KCTD3: variants seen among roughly 807,000 people sequenced by gnomAD.
KCTD3 encodes the protein potassium channel tetramerization domain containing 3, also known as BTB/POZ domain-containing protein KCTD3.
Under a neutral mutation model 85.8 loss-of-function variants are expected in KCTD3, and 41 were observed. The ratio of observed to expected loss-of-function variants is 0.48; its 90% CI spans 0.37 to 0.62. The LOEUF (loss-of-function observed/expected upper bound fraction) is 0.62, where lower values mean the gene tolerates loss of function less well. KCTD3 is among the 20% of genes least tolerant of loss of function. KCTD3 has a pLI of 0.00. For synonymous variants in KCTD3, 338 were observed against 345.4 expected, an observed-to-expected ratio of 0.98 and a Z score of 0.24; for missense variants, 724 against 989.9, an observed-to-expected ratio of 0.73 and a Z score of 3.60.
chr1:215,592,461 TAAGAA>T (rs928827111), intron 9 of KCTD3, among the ~76,000 whole-genome samples: 3 of 152,212 alleles, frequency 2.0e-5, no homozygotes, highest in African/African-American at 4.8e-5. Flanking sequence ...CAAACAACTT[TAAGAA>T]AAGAAAATTT....
In KCTD3 at chr1:215,601,863, T is replaced by C; in HGVS notation, c.934-4T>C. On this transcript the variant is annotated splice_region_variant and splice_polypyrimidine_tract_variant and intron_variant, in intron 10 of 17. Coordinates refer to ENST00000259154, the MANE Select transcript of KCTD3 (RefSeq NM_016121.5). ...AACATCTGATAATACTCTCACTACA[T>C]CAGGTTCAAGATGTTGTTCCTATAA... 1 of 1,503,874 alleles carries C rather than the reference T, an allele frequency of 6.6e-7. No homozygotes were observed. Among genetic ancestry groups the C allele is most frequent in the Non-Finnish European group, 9.2e-7 (1 of 1,085,992 alleles). 93.2% of individuals were successfully genotyped at this position (1,503,874 alleles called of 1,614,324 possible). A position where few individuals can be genotyped will look rare whatever the true frequency, so the allele number is the denominator to read the frequency against.
At chr1:215,594,603 A>G (rs1444011128) in intron 9 of KCTD3, among the ~76,000 whole-genome samples, 1 of 152,190 alleles carries the variant, frequency 6.6e-6, no homozygotes, top group East Asian at 1.9e-4. Context: ...AGATACTATT[A>G]TACCCTGTGC....
At chr1:215,586,858 A>G (rs538045886) in intron 9 of KCTD3, among the ~76,000 whole-genome samples, 173 bp downstream of exon 9, 1 of 152,316 alleles carries the variant, frequency 6.6e-6, no homozygotes, top group Admixed American at 6.5e-5. Context: ...TGTTTTAGAA[A>G]AGACATGGGG....
intron 8 of KCTD3, among the ~76,000 whole-genome samples, chr1:215,582,551 TTTTTG>T (rs1019627564): frequency 4.6e-5 from 7 of 152,104 alleles, no homozygotes; most frequent in African/African-American, 1.2e-4. Context: ...TATTATATAT[TTTTTG>T]TTTTGTTTTG....
At position 215,615,040 on chromosome 1, in the gene KCTD3, TCTGTTATTTCTAA is replaced by T. The variant is rs138479455; in HGVS notation, c.1562+3121_1562+3133del. Reference sequence around the variant, plus strand: ...TTCTGTTATTTCTGATATCCCCCTTTCTGTTATTTCTAACAGTAACACTGTGCAATTTCTGCAT... The same window carrying T: ...TTCTGTTATTTCTGATATCCCCCTTTCAGTAACACTGTGCAATTTCTGCAT... On this transcript the variant is annotated intron_variant, in intron 15 of 17. Coordinates refer to ENST00000259154, the MANE Select transcript of KCTD3 (RefSeq NM_016121.5). Among the ~76,000 whole-genome samples the T allele has an allele frequency of 1.8e-3, 272 of 152,332 alleles. 1 individual carries two copies. The highest frequency in any genetic ancestry group is 6.3e-3 in the African/African-American group (260 of 41,582).
rs946193380 is a variant in KCTD3, at chr1:215,608,191, G to C, written c.1465+19G>C. ...GACATAGGTGGGTTAGGTTATTTTA[G>C]GGCATTTTTAGGTACTATATTAACT... On this transcript the variant is annotated intron_variant, in intron 14 of 17. Coordinates refer to ENST00000259154, the MANE Select transcript of KCTD3 (RefSeq NM_016121.5). 3 of 1,595,490 alleles carry C rather than the reference G, an allele frequency of 1.9e-6. No individual in the cohort carries two copies. The highest frequency in any genetic ancestry group is 2.6e-6 in the Non-Finnish European group (3 of 1,169,516).
chr1:215,619,616 C>T (rs1482861861), intron 17 of KCTD3, among the ~76,000 whole-genome samples: 1 of 152,152 alleles, frequency 6.6e-6, no homozygotes, highest in Non-Finnish European at 1.5e-5. Flanking sequence ...TAATTATTGT[C>T]CTGTCTCAGG....
chr1:215,573,628 A>G (rs1659456261), intron 1 of KCTD3, among the ~76,000 whole-genome samples, 158 bp from the exon 2 acceptor site: 1 of 152,218 alleles, frequency 6.6e-6, no homozygotes, highest in Non-Finnish European at 1.5e-5. Context: ...AATTGAAAGT[A>G]GCAACGTTTA....
At chr1:215,579,210 C>A in intron 7 of KCTD3, 73 bp downstream of exon 7, 1 of 1,329,220 alleles carries the variant, frequency 7.5e-7, no homozygotes, top group Non-Finnish European at 1.0e-6. Context: ...TGAGTAATTA[C>A]TTTTAAAGAT....
chr1:215,578,040 C>G lies in KCTD3; in HGVS notation c.356C>G (p.Ser119Cys), dbSNP rs949937969. ...LLLCEELERS[S>C]CGSVLFHGYL... ...TTATGTGAAGAATTGGAGCGTTCCT[C>G]TTGTGGCAGTGTCCTTTTTCATGGT... Residue 119 changes from serine (S) to cysteine (C), a missense_variant, in exon 6 of 18, where the codon TCT (serine) becomes TGT (cysteine). Transcript: ENST00000259154. The G allele has an allele frequency of 6.2e-7, 1 of 1,612,522 alleles. No homozygotes were observed. Among genetic ancestry groups the G allele is most frequent in the East Asian group, 2.2e-5 (1 of 44,852 alleles).
intron 15 of KCTD3, chr1:215,618,416 C>G (rs1256336601): frequency 4.2e-5 from 7 of 165,288 alleles, no homozygotes; most frequent in African/African-American, 1.7e-4. Context: ...ATTTTTTTGA[C>G]CTTGCGTTTG....
At chr1:215,580,039 A>G (rs759927749) in intron 8 of KCTD3, 40 bp downstream of exon 8, 3 of 1,254,618 alleles carry the variant, frequency 2.4e-6, no homozygotes, top group Non-Finnish European at 3.4e-6. Flanking sequence ...TACAGGTGGC[A>G]GTTTGAAAAT....
chr1:215,619,639 CT>C (rs1655586174), intron 17 of KCTD3, among the ~76,000 whole-genome samples: 1 of 152,078 alleles, frequency 6.6e-6, no homozygotes, highest in East Asian at 1.9e-4. Flanking sequence ...CAATATTTAT[CT>C]GTGGTTCTAT....
At chr1:215,587,057 T>G (rs529920116) in intron 9 of KCTD3, among the ~76,000 whole-genome samples, 2 of 152,188 alleles carry the variant, frequency 1.3e-5, no homozygotes, top group African/African-American at 4.8e-5. Flanking sequence ...CCCAAACTTT[T>G]TGGTTTCAGA....
chr1:215,571,669 C>T (rs1471045497), intron 1 of KCTD3, among the ~76,000 whole-genome samples: 3 of 145,166 alleles, frequency 2.1e-5, no homozygotes, highest in South Asian at 2.2e-4. Context: ...CTCGCTTTGT[C>T]GCCCATGCTG....
intron 1 of KCTD3, among the ~76,000 whole-genome samples, chr1:215,571,523 G>A (rs553420920): frequency 2.0e-4 from 31 of 152,056 alleles, no homozygotes; most frequent in East Asian, 7.7e-4. Flanking sequence ...ACATTTAAAT[G>A]TCTTTAATAA....
At chr1:215,618,818 TA>T in intron 15 of KCTD3, 67 bp from the exon 16 acceptor site, 1 of 1,171,164 alleles carries the variant, frequency 8.5e-7, no homozygotes, top group Non-Finnish European at 1.2e-6. Context: ...TCTGTCTTTT[TA>T]GTTTCATAGC....
intron 9 of KCTD3, among the ~76,000 whole-genome samples, chr1:215,594,192 G>T (rs1660325386): frequency 6.6e-6 from 1 of 152,096 alleles, no homozygotes; most frequent in Admixed American, 6.5e-5. Context: ...AGTGATCATT[G>T]AAACATTTAG....
intron 8 of KCTD3, chr1:215,581,034 G>A (rs1274729810): frequency 2.3e-6 from 1 of 441,104 alleles, no homozygotes; most frequent in Non-Finnish European, 4.5e-6. Context: ...GGCCGAGATG[G>A]GTGGAGTTCA....
Sources: allele counts gnomAD v4.1 joint callset (sites outside exome capture counted in the v4.1 genomes callset), GRCh38; gene constraint gnomAD v4.1.1; transcripts MANE v1.5; gene names NCBI Gene and HGNC (gene_info 2026-07-23, HGNC 2026-07-21).